Variants in UNC13B observed in about 807,000 individuals in gnomAD.
UNC13B encodes unc-13 homolog B.
In UNC13B, 144 loss-of-function variants were observed where a neutral mutation model predicts 211.0. That is an observed-to-expected ratio of 0.68 (90% CI 0.60 to 0.78). UNC13B has a LOEUF of 0.78. UNC13B is among the 30% of genes least tolerant of loss of function. The pLI is 0.00. For missense variants in UNC13B, 1,777 were observed against 2,002.0 expected, an observed-to-expected ratio of 0.89 and a Z score of 2.14; for synonymous variants, 709 against 725.8, an observed-to-expected ratio of 0.98 and a Z score of 0.37.
At position 35,381,201 on chromosome 9, in the gene UNC13B, A is replaced by G; in HGVS notation, c.10477A>G (p.Thr3493Ala). The stretch of plus-strand genomic sequence containing the variant: ...AGTAGCCCCATACCACGTGCAGTAT[A>G]CATGTCTCCATGAGGTGAGCCAGCC... ...EKVAPYHVQY[T>A]CLHENLFHYL... The change falls in exon 19 of 40, where the codon ACA becomes GCA. Residue 3493 changes from threonine (T) to alanine (A), a missense_variant. Physicochemically the swap from Thr to Ala is moderately conservative, Grantham distance 58. Coordinates refer to ENST00000635942, the MANE Select transcript of UNC13B (RefSeq NM_001371189.2). 6.2e-7 allele frequency: 1 copy of G among 1,613,822 alleles called. No homozygotes were observed. The highest frequency in any genetic ancestry group is 8.5e-7 in the Non-Finnish European group (1 of 1,179,910).
chr9:35,353,343 G>C (rs1017357013), intron 11 of UNC13B: 2 of 1,232,186 alleles, frequency 1.6e-6, no homozygotes, highest in Non-Finnish European at 1.0e-6. Flanking sequence ...GAGAACAGTG[G>C]GTCCATCAGT....
chr9:35,254,022 T>C (rs745492290), intron 6 of UNC13B, among the ~76,000 whole-genome samples: 5 of 152,230 alleles, frequency 3.3e-5, no homozygotes, highest in Non-Finnish European at 5.9e-5. Flanking sequence ...TATTTTCCTG[T>C]TTATTGGTGA....
chr9:35,397,297 G>A lies in UNC13B; in HGVS notation c.11663G>A (p.Arg3888Lys), dbSNP rs755589991. 1.9e-6 allele frequency: 3 copies of A among 1,614,048 alleles called. No homozygotes were observed. The highest frequency in any genetic ancestry group is 2.5e-6 in the Non-Finnish European group (3 of 1,180,026). ...PDPSILAHYM[R>K]RFAKTIGKVL... Reference sequence around the variant, plus strand: ...CCCAGCATCCTTGCCCACTACATGAGGAGGTTTGCTAAGGTGACCATAACT... The same window carrying A: ...CCCAGCATCCTTGCCCACTACATGAAGAGGTTTGCTAAGGTGACCATAACT... The change falls in exon 29 of 40, where the codon AGG (arginine) becomes AAG (lysine). Residue 3888 changes from arginine to lysine, a missense_variant. Coordinates refer to ENST00000635942, the MANE Select transcript of UNC13B (RefSeq NM_001371189.2).
At position 35,217,875 on chromosome 9, in the gene UNC13B, C is replaced by T. The variant is rs542364768; in HGVS notation, c.23-10140C>T. On this transcript the variant is annotated intron_variant, in intron 1 of 39. Transcript: ENST00000635942. The stretch of plus-strand genomic sequence containing the variant: ...CCTGAGCAATATAATGAGACCTTGT[C>T]TCTATAAAAAATAAAAAAATTAGCC... Among the ~76,000 whole-genome samples, 18 of 152,160 alleles carry T rather than the reference C, an allele frequency of 1.2e-4. No individual in the cohort carries two copies. In the South Asian group the frequency reaches 3.7e-3, roughly 32 times the overall value.
Position 35,376,551 on chromosome 9 carries a change from A to G in UNC13B, c.9835+304A>G, listed in dbSNP as rs1363784065. 2.6e-5 allele frequency among the ~76,000 whole-genome samples: 4 copies of G among 152,240 alleles called. No homozygotes were observed. In the East Asian group the frequency reaches 5.8e-4, roughly 22 times the overall value. On this transcript the variant is annotated intron_variant, in intron 15 of 39. Transcript: ENST00000635942. ...CTGAGCTTTGTAGTGTATACAGCAC[A>G]GCGGCCTTATTGTCCAAATGACAAA...
chr9:35,297,626 G>C (rs901477781), intron 8 of UNC13B, among the ~76,000 whole-genome samples: 4 of 141,000 alleles, frequency 2.8e-5, no homozygotes, highest in Non-Finnish European at 1.5e-5. Context: ...CTCGGCTCAC[G>C]GCAAGCTCCG....
chr9:35,177,630 T>G (rs937468399), intron 1 of UNC13B, among the ~76,000 whole-genome samples: 1 of 152,222 alleles, frequency 6.6e-6, no homozygotes, highest in East Asian at 1.9e-4. Context: ...CTTAACTGTT[T>G]TGAAACTTAT....
At chr9:35,240,305 T>G (rs1411061514) in intron 5 of UNC13B, among the ~76,000 whole-genome samples, 3 of 152,240 alleles carry the variant, frequency 2.0e-5, no homozygotes, top group Admixed American at 2.0e-4. Flanking sequence ...TTACTGTTCA[T>G]ATTATTGATA....
intron 2 of UNC13B, among the ~76,000 whole-genome samples, chr9:35,228,822 G>A (rs1825027871): frequency 6.6e-6 from 1 of 151,130 alleles, no homozygotes; most frequent in Admixed American, 6.6e-5. Flanking sequence ...TGATTAATAG[G>A]TCCCTGATTG....
intron 9 of UNC13B, 112 bp from the exon 10 acceptor site, chr9:35,310,355 C>T (rs889534365): frequency 8.5e-7 from 1 of 1,172,110 alleles, no homozygotes; most frequent in South Asian, 1.5e-5. Context: ...CCAGGAACCT[C>T]CTATTTGATT....
At position 35,399,662 on chromosome 9, in the gene UNC13B, G is replaced by A. The variant is rs185611344; in HGVS notation, c.12269G>A (p.Arg4090Gln). 155 of 1,614,088 alleles carry A rather than the reference G, an allele frequency of 9.6e-5. No individual in the cohort carries two copies. Among genetic ancestry groups the A allele is most frequent in the Middle Eastern group, 1.6e-4 (1 of 6,062 alleles). ...HLSKLKDHMV[R>Q]EETRNLTPKQ... ...TTCTCTGAACAGGATCACATGGTAC[G>A]AGAGGAAACACGGAATCTCACTCCA... Residue 4090 changes from arginine to glutamine, a missense_variant, in exon 36 of 40, where the codon CGA (arginine) becomes CAA (glutamine). By Grantham distance (43) the Arg-to-Gln change is conservative. Coordinates refer to ENST00000635942, the MANE Select transcript of UNC13B (RefSeq NM_001371189.2).
At chr9:35,212,743 G>A (rs958282772) in intron 1 of UNC13B, among the ~76,000 whole-genome samples, 3 of 152,068 alleles carry the variant, frequency 2.0e-5, no homozygotes, top group Admixed American at 1.3e-4. Flanking sequence ...AAAGTAAGGC[G>A]GCTCTCCCTT....
rs144279601 is a variant in UNC13B, at chr9:35,389,860, T to C, written c.11109T>C (p.Pro3703=). 8 of 1,613,982 alleles carry C rather than the reference T, an allele frequency of 5.0e-6. No individual in the cohort carries two copies. The highest frequency in any genetic ancestry group is 1.1e-5 in the South Asian group (1 of 91,080). The change falls in exon 25 of 40, where the codon CCT becomes CCC. Residue 3703 remains proline (P), a synonymous_variant. Transcript: ENST00000635942. ...TCTGGATCAAGAAGCAGGAGCTACC[T>C]CCAGAGGAACAAGGGCCCAGCATTC... ...SRQYQLKQEL[P]PEEQGPSIRN... is the part of the protein sequence containing the mutation.
intron 11 of UNC13B, among the ~76,000 whole-genome samples, chr9:35,355,898 G>A (rs1172455981): frequency 6.6e-6 from 1 of 152,194 alleles, no homozygotes. Context: ...GCTGATGTTA[G>A]CATGAGCACC....
chr9:35,313,897 A>G lies in UNC13B; in HGVS notation c.9324-2A>G. 6.2e-7 allele frequency: 1 copy of G among 1,612,426 alleles called. No individual in the cohort carries two copies. Among genetic ancestry groups the G allele is most frequent in the Non-Finnish European group, 8.5e-7 (1 of 1,178,554 alleles). ...AGAAATGTACTTTTTCTCTGTTACAAGTTTTCCTGAGGAGAATGCATCTTC... is the reference window on the plus strand; with the variant it reads ...AGAAATGTACTTTTTCTCTGTTACAGGTTTTCCTGAGGAGAATGCATCTTC... On this transcript the variant is annotated splice_acceptor_variant, in intron 10 of 39. Transcript: ENST00000635942. LOFTEE classifies it high-confidence loss of function.
At chr9:35,226,713 C>T (rs1351243776) in intron 1 of UNC13B, among the ~76,000 whole-genome samples, 6 of 152,192 alleles carry the variant, frequency 3.9e-5, no homozygotes, top group African/African-American at 4.8e-5. Context: ...CTTCTCCTTC[C>T]GCGTTCCTCT....
chr9:35,249,897 C>G (rs1826356022), intron 6 of UNC13B, among the ~76,000 whole-genome samples: 1 of 152,196 alleles, frequency 6.6e-6, no homozygotes. Flanking sequence ...GTATGGCACT[C>G]ACTACATTTT....
chr9:35,260,578 A>G (rs1045656853), intron 7 of UNC13B, among the ~76,000 whole-genome samples: 4 of 152,194 alleles, frequency 2.6e-5, no homozygotes, highest in Admixed American at 2.0e-4. Flanking sequence ...AATTTGGTAC[A>G]TTCTATAGGC....
intron 11 of UNC13B, among the ~76,000 whole-genome samples, chr9:35,354,073 CTTG>C (rs748427938): frequency 2.6e-4 from 39 of 152,246 alleles, no homozygotes; most frequent in Non-Finnish European, 5.3e-4. Context: ...CTTCCAGTCT[CTTG>C]TTGTGGTGCT....
Sources: gnomAD v4.1 joint callset for allele counts (sites outside exome capture counted in the v4.1 genomes callset) on GRCh38, gnomAD v4.1.1 for gene constraint, MANE v1.5 for transcripts, NCBI Gene and HGNC (gene_info 2026-07-23, HGNC 2026-07-21) for gene names.